CBL: variants seen among roughly 807,000 people sequenced by gnomAD.
CBL encodes E3 ubiquitin-protein ligase CBL.
Under a neutral mutation model 96.9 loss-of-function variants are expected in CBL, and 45 were observed. The observed-to-expected ratio is 0.46, with a 90% CI of 0.37 to 0.60. CBL has a LOEUF of 0.60. Among genes scored for constraint, CBL ranks in the 20% least tolerant of loss-of-function variants. The pLI, the probability that CBL is intolerant of heterozygous loss-of-function variation, is 0.00. For missense variants in CBL, 1,024 were observed against 1,143.5 expected, an observed-to-expected ratio of 0.90 and a Z score of 1.51; for synonymous variants, 420 against 426.8, an observed-to-expected ratio of 0.98 and a Z score of 0.20.
intron 9 of CBL, among the ~76,000 whole-genome samples, chr11:119,282,500 G>A (rs946301867): frequency 2.6e-5 from 4 of 152,206 alleles, no homozygotes; most frequent in Non-Finnish European, 1.5e-5. Context: ...GAATGATACG[G>A]AAGTCGAAAT....
chr11:119,249,338 T>A (rs1190362880), intron 2 of CBL, among the ~76,000 whole-genome samples: 3 of 152,134 alleles, frequency 2.0e-5, no homozygotes, highest in Non-Finnish European at 4.4e-5. Context: ...GGCAGAACAC[T>A]TGAAGTCAGG....
At position 119,252,812 on chromosome 11, in the gene CBL, C is replaced by T. The variant is rs1372961551; in HGVS notation, c.444-18923C>T. On this transcript the variant is annotated intron_variant, in intron 2 of 15. Coordinates refer to ENST00000264033, the MANE Select transcript of CBL (RefSeq NM_005188.4). ...AGGAGAATTGCTTCAACACAAGAGG[C>T]GGAGGTTGCAGTCAGCCGAGGTCAT... 4.7e-5 allele frequency among the ~76,000 whole-genome samples: 7 copies of T among 148,164 alleles called. No individual in the cohort carries two copies. The East Asian group carries it at 6.0e-4, about 13-fold the overall frequency.
intron 6 of CBL, among the ~76,000 whole-genome samples, chr11:119,277,385 G>T (rs927826793): frequency 6.6e-6 from 1 of 151,590 alleles, no homozygotes; most frequent in Non-Finnish European, 1.5e-5. Flanking sequence ...CCTAAGAGTC[G>T]TTTTGAAAAA....
rs773590380 is a variant in CBL at position 119,232,398 on chromosome 11, C to A, written c.196-50C>A. On this transcript the variant is annotated intron_variant, in intron 1 of 15. Coordinates refer to ENST00000264033, the MANE Select transcript of CBL (RefSeq NM_005188.4). ...ACTTTCTTAAACTTAAAAAAGGGAG[C>A]TGTCCTTAAAATTCTCCAAGTAATA... 1.9e-6 allele frequency: 3 copies of A among 1,600,520 alleles called. No individual in the cohort carries two copies. The African/African-American group carries it at 4.0e-5, about 21-fold the overall frequency.
In CBL at chr11:119,206,366, C is replaced by T; in HGVS notation, c.-52C>T. 1 of 1,375,460 alleles carries T rather than the reference C, an allele frequency of 7.3e-7. No homozygotes were observed. The highest frequency in any genetic ancestry group is 9.6e-7 in the Non-Finnish European group (1 of 1,043,108). The allele number at this position is 1,375,460 out of a possible 1,614,324, so 85.2% of individuals were successfully genotyped here. On this transcript the variant is annotated 5_prime_UTR_variant, in exon 1 of 16. Transcript: ENST00000264033. ...TCACGCCCTGCTTCTCTCCCTCGCT[C>T]GCAGTCGAGCCGAGCCGGCGGACCC...
intron 2 of CBL, among the ~76,000 whole-genome samples, chr11:119,260,494 C>T (rs1267945629): frequency 6.6e-6 from 1 of 151,996 alleles, no homozygotes. Flanking sequence ...ATTGTCTCAT[C>T]TGTAAAATGG....
chr11:119,306,198 G>T lies in CBL; in HGVS notation c.*6417G>T. On this transcript the variant is annotated 3_prime_UTR_variant, in exon 16 of 16. Transcript: ENST00000264033. ...CGGGTGGAAGGGCCGGCTGTTGACA[G>T]ACAGACTAAGCTGTGTGGTGCTCTT... 2 of 398,466 alleles carry T rather than the reference G, an allele frequency of 5.0e-6. No individual in the cohort carries two copies. The highest frequency in any genetic ancestry group is 2.6e-4 in the South Asian group (2 of 7,730). 24.7% of individuals were successfully genotyped at this position (398,466 alleles called of 1,614,324 possible). A position where few individuals can be genotyped will look rare whatever the true frequency, so the allele number is the denominator to read the frequency against.
intron 1 of CBL, among the ~76,000 whole-genome samples, chr11:119,213,764 T>TTGC (rs1456392402): frequency 1.3e-5 from 2 of 152,050 alleles, no homozygotes; most frequent in South Asian, 4.2e-4. Context: ...TGGAGTGCAG[T>TTGC]GTCACAATCA....
At chr11:119,282,347 A>G (rs545335853) in intron 9 of CBL, among the ~76,000 whole-genome samples, 24 of 152,254 alleles carry the variant, frequency 1.6e-4, no homozygotes, top group African/African-American at 4.8e-4. Flanking sequence ...TCAAAAAAAA[A>G]AAAAAAGACT....
At chr11:119,239,034 A>G (rs1949566122) in intron 2 of CBL, among the ~76,000 whole-genome samples, 1 of 152,116 alleles carries the variant, frequency 6.6e-6, no homozygotes, top group Admixed American at 6.5e-5. Flanking sequence ...CAGTGACTCA[A>G]TCTCAGCTCA....
At chr11:119,293,607 C>T (rs1950044486) in intron 12 of CBL, among the ~76,000 whole-genome samples, 1 of 152,122 alleles carries the variant, frequency 6.6e-6, no homozygotes, top group Admixed American at 6.5e-5. Flanking sequence ...GCTGGCATTT[C>T]AGGTATACTT....
chr11:119,279,428 T>G (rs1949915599), intron 9 of CBL, among the ~76,000 whole-genome samples: 2 of 152,036 alleles, frequency 1.3e-5, no homozygotes, highest in African/African-American at 4.8e-5. Context: ...GGAGGATCAG[T>G]TGAGCCCAGC....
intron 2 of CBL, among the ~76,000 whole-genome samples, chr11:119,262,681 C>T (rs1409789059): frequency 6.6e-6 from 1 of 152,172 alleles, no homozygotes; most frequent in African/African-American, 2.4e-5. Flanking sequence ...CTTTCCCTGC[C>T]TCTGCCCTTA....
At position 119,297,607 on chromosome 11, in the gene CBL, G is replaced by A. The variant is rs2186881; in HGVS notation, c.2251+126G>A. ...TCTGTAGCTGGGACTACAGGTACGT[G>A]CCACCATGCCCGGCTAATTTTTGTA... On this transcript the variant is annotated intron_variant, in intron 14 of 15. Transcript: ENST00000264033. 9.7e-3 allele frequency: 7,173 copies of A among 736,314 alleles called. 385 individuals carry two copies. In the African/African-American group the frequency reaches 0.11, roughly 11 times the overall value. 45.6% of individuals were successfully genotyped at this position (736,314 alleles called of 1,614,324 possible). A position where few individuals can be genotyped will look rare whatever the true frequency, so the allele number is the denominator to read the frequency against.
intron 1 of CBL, among the ~76,000 whole-genome samples, chr11:119,223,925 A>G (rs1565857431): frequency 6.6e-6 from 1 of 151,478 alleles, no homozygotes; most frequent in Non-Finnish European, 1.5e-5. Flanking sequence ...GCCCCTGGCA[A>G]TTTTTTTTTG....
intron 14 of CBL, among the ~76,000 whole-genome samples, chr11:119,297,705 C>T (rs1312141686): frequency 6.6e-6 from 1 of 152,198 alleles, no homozygotes; most frequent in East Asian, 1.9e-4. Context: ...TGATCCACCC[C>T]TCCCAAAGTG....
intron 1 of CBL, among the ~76,000 whole-genome samples, chr11:119,216,268 A>G (rs965160839): frequency 6.6e-6 from 1 of 152,128 alleles, no homozygotes; most frequent in Non-Finnish European, 1.5e-5. Context: ...AAATGAGGCC[A>G]ATTCATTGGT....
intron 3 of CBL, among the ~76,000 whole-genome samples, chr11:119,272,238 C>G (rs1949854830): frequency 6.6e-6 from 1 of 152,198 alleles, no homozygotes; most frequent in Admixed American, 6.5e-5. Flanking sequence ...TCTCCTGCCT[C>G]AGCCTCCTGA....
chr11:119,296,770 C>T (rs999418975), intron 12 of CBL, 148 bp from the exon 13 acceptor site: 44 of 655,538 alleles, frequency 6.7e-5, no homozygotes, highest in Middle Eastern at 8.0e-4. Flanking sequence ...AATTACTTGT[C>T]TTGGTCAGCA....
Sources: gnomAD v4.1 joint callset for allele counts (sites outside exome capture counted in the v4.1 genomes callset) on GRCh38, gnomAD v4.1.1 for gene constraint, MANE v1.5 for transcripts, NCBI Gene and HGNC (gene_info 2026-07-23, HGNC 2026-07-21) for gene names.